Variants in MSRA observed in about 807,000 individuals in gnomAD.
MSRA encodes the protein methionine sulfoxide reductase A, also known as mitochondrial peptide methionine sulfoxide reductase.
A neutral mutation model predicts 31.3 loss-of-function variants in MSRA; 54 were observed. The observed-to-expected ratio is 1.73, with a 90% CI of 1.39 to 2.17. The LOEUF (loss-of-function observed/expected upper bound fraction) is 2.17. Ranked by LOEUF, MSRA falls within the 30% of genes most tolerant of loss-of-function variation. The probability of loss-of-function intolerance (pLI) is 0.00; values close to 1 mark genes in which losing one functional copy is unlikely to be tolerated. For synonymous variants in MSRA, 169 were observed against 116.5 expected (o/e 1.45, Z -2.90); for missense variants, 507 against 300.9 (o/e 1.69, Z -5.07).
At chr8:10,183,048 C>T (rs549439123) in intron 1 of MSRA, among the ~76,000 whole-genome samples, 95 of 152,330 alleles carry the variant, frequency 6.2e-4, no homozygotes, top group Non-Finnish European at 1.2e-3. Flanking sequence ...CTGCCTATAA[C>T]ATTTTCCTTT....
At chr8:10,421,262 C>G (rs1808796042) in intron 5 of MSRA, among the ~76,000 whole-genome samples, 1 of 152,200 alleles carries the variant, frequency 6.6e-6, no homozygotes, top group Admixed American at 6.5e-5. Flanking sequence ...TGCCTGTCCT[C>G]TCCCCCAGGC....
At chr8:10,324,011 T>C (rs1203287418) in intron 5 of MSRA, among the ~76,000 whole-genome samples, 2 of 152,160 alleles carry the variant, frequency 1.3e-5, no homozygotes, top group African/African-American at 4.8e-5. Flanking sequence ...GGGAGATGAG[T>C]TGAAAGTTCA....
intron 2 of MSRA, among the ~76,000 whole-genome samples, chr8:10,226,528 C>G (rs942230739): frequency 6.6e-6 from 1 of 152,208 alleles, no homozygotes; most frequent in Non-Finnish European, 1.5e-5. Flanking sequence ...GTGTCATGGT[C>G]ATTGGCTCAT....
intron 5 of MSRA, among the ~76,000 whole-genome samples, chr8:10,400,594 A>T (rs1807398331): frequency 6.6e-6 from 1 of 152,196 alleles, no homozygotes; most frequent in Admixed American, 6.5e-5. Flanking sequence ...TAACAAGCTG[A>T]CCGAGAGATG....
rs531690218 is a variant in MSRA at position 10,245,186 on chromosome 8, C to G, written c.294C>G (p.Gly98=). The change falls in exon 3 of 6, where the codon GGC becomes GGG. Residue 98 remains glycine, a synonymous_variant. Transcript: ENST00000317173. ...CAACTCAAGTTGGTTTTGCAGGAGG[C>G]TATACTTCAAATCCTACTTATAAAG... ...VYSTQVGFAG[G]YTSNPTYKEV... is the part of the protein sequence containing the mutation. 3.7e-6 allele frequency: 6 copies of G among 1,613,412 alleles called. No individual in the cohort carries two copies. The South Asian group carries it at 6.6e-5, about 18-fold the overall frequency.
At chr8:10,096,389 C>T in intron 1 of MSRA, 1 of 742,258 alleles carries the variant, frequency 1.3e-6, no homozygotes, top group Non-Finnish European at 1.7e-6. Context: ...GGGGAGGTGT[C>T]TATGTCTAAG....
chr8:10,313,912 G>GCTTCT (rs1801574369), intron 4 of MSRA, among the ~76,000 whole-genome samples: 1 of 152,158 alleles, frequency 6.6e-6, no homozygotes, highest in Admixed American at 6.5e-5. Flanking sequence ...TAGTACTGGG[G>GCTTCT]AAATAATGGC....
intron 2 of MSRA, among the ~76,000 whole-genome samples, chr8:10,239,529 G>A (rs951614999): frequency 3.3e-5 from 5 of 152,168 alleles, no homozygotes; most frequent in Non-Finnish European, 5.9e-5. Context: ...TGCTTGCAAG[G>A]GTGTGGCACA....
At chr8:10,329,026 T>A (rs1417561932) in intron 5 of MSRA, among the ~76,000 whole-genome samples, 1 of 152,236 alleles carries the variant, frequency 6.6e-6, no homozygotes, top group African/African-American at 2.4e-5. Context: ...CTGCAAACTC[T>A]CTTGACACCG....
intron 5 of MSRA, among the ~76,000 whole-genome samples, chr8:10,377,899 C>T (rs1226305571): frequency 6.6e-6 from 1 of 152,238 alleles, no homozygotes; most frequent in Non-Finnish European, 1.5e-5. Flanking sequence ...CCTGGCAGTG[C>T]AGGCCCCCGT....
At chr8:10,344,234 C>T (rs1200368407) in intron 5 of MSRA, among the ~76,000 whole-genome samples, 15 of 152,262 alleles carry the variant, frequency 9.9e-5, no homozygotes, top group Admixed American at 5.2e-4. Context: ...TCTTCCTTCA[C>T]CCCATCTGTA....
intron 1 of MSRA, among the ~76,000 whole-genome samples, chr8:10,179,424 G>A (rs1353787232): frequency 1.3e-5 from 2 of 152,186 alleles, no homozygotes; most frequent in Non-Finnish European, 2.9e-5. Flanking sequence ...TCAGCTCTGA[G>A]AGTCGATCAT....
chr8:10,212,824 G>C (rs1429990678), intron 2 of MSRA, among the ~76,000 whole-genome samples: 2 of 151,986 alleles, frequency 1.3e-5, no homozygotes, highest in African/African-American at 4.8e-5. Context: ...CTTTGTTTTG[G>C]AACACTGAAA....
At chr8:10,264,954 C>A (rs999258781) in intron 3 of MSRA, among the ~76,000 whole-genome samples, 3 of 152,046 alleles carry the variant, frequency 2.0e-5, no homozygotes, top group Non-Finnish European at 4.4e-5. Context: ...GTATGTGCAG[C>A]CACTGGAGCT....
chr8:10,217,598 T>A (rs1810106271), intron 2 of MSRA, among the ~76,000 whole-genome samples: 1 of 152,206 alleles, frequency 6.6e-6, no homozygotes, highest in Non-Finnish European at 1.5e-5. Flanking sequence ...TCGCTCAGCT[T>A]CCACAGGTCT....
intron 2 of MSRA, among the ~76,000 whole-genome samples, chr8:10,240,613 T>C (rs1438972843): frequency 7.9e-5 from 12 of 152,318 alleles, no homozygotes; most frequent in Admixed American, 7.8e-4. Flanking sequence ...CCAGTCTTTG[T>C]GTTTCTGGCC....
intron 3 of MSRA, among the ~76,000 whole-genome samples, chr8:10,296,328 T>C (rs944319258): frequency 6.6e-6 from 1 of 152,258 alleles, no homozygotes; most frequent in Non-Finnish European, 1.5e-5. Context: ...GGCATCCTTG[T>C]ACGGAAACAC....
intron 5 of MSRA, among the ~76,000 whole-genome samples, chr8:10,415,404 G>T (rs1808397443): frequency 6.6e-6 from 1 of 152,318 alleles, no homozygotes; most frequent in South Asian, 2.1e-4. Flanking sequence ...CATGCAAGCA[G>T]GTGAGCCTCA....
chr8:10,370,695 C>T (rs1254363820), intron 5 of MSRA, among the ~76,000 whole-genome samples: 2 of 152,136 alleles, frequency 1.3e-5, no homozygotes, highest in South Asian at 2.1e-4. Context: ...CTCCAGGCCA[C>T]GTTACATACC....
Sources: allele counts gnomAD v4.1 joint callset (sites outside exome capture counted in the v4.1 genomes callset), GRCh38; gene constraint gnomAD v4.1.1; transcripts MANE v1.5; gene names NCBI Gene and HGNC (gene_info 2026-07-23, HGNC 2026-07-21).